ARHGEF28: variants seen among roughly 807,000 people sequenced by gnomAD.
ARHGEF28 encodes the protein 190 kDa guanine nucleotide exchange factor.
Under a neutral mutation model 206.6 loss-of-function variants are expected in ARHGEF28, and 152 were observed. The ratio of observed to expected loss-of-function variants is 0.74; its 90% CI spans 0.64 to 0.84. The LOEUF (loss-of-function observed/expected upper bound fraction) is 0.84. ARHGEF28 is among the 40% of genes least tolerant of loss of function. ARHGEF28 has a pLI of 0.00. For synonymous variants in ARHGEF28, 763 were observed against 776.4 expected (o/e 0.98, Z 0.29); for missense variants, 2,028 against 2,073.2 (o/e 0.98, Z 0.42).
intron 10 of ARHGEF28, among the ~76,000 whole-genome samples, chr5:73,839,519 T>C (rs1757857012): frequency 1.3e-5 from 2 of 152,170 alleles, no homozygotes; most frequent in Non-Finnish European, 2.9e-5. Context: ...AAATCATGAG[T>C]GCTTAAAAGT....
At chr5:73,852,748 G>A in intron 14 of ARHGEF28, 56 bp downstream of exon 14, 1 of 1,555,856 alleles carries the variant, frequency 6.4e-7, no homozygotes. Context: ...CTTTGGAAAT[G>A]TCCACACATC....
chr5:73,868,912 G>T (rs1370549663), intron 20 of ARHGEF28, among the ~76,000 whole-genome samples: 1 of 152,198 alleles, frequency 6.6e-6, no homozygotes, highest in Non-Finnish European at 1.5e-5. Context: ...CTCCCAAAGT[G>T]CCGGGATTAC....
In ARHGEF28 at chr5:73,729,656, G is replaced by C. The variant is rs143740737; in HGVS notation, c.34-20181G>C. ...GATTTCTCAAGTTTATTTAGTCACC[G>C]ATCACATTTCAGGCGGGCAGCTTCT... On this transcript the variant is annotated intron_variant, in intron 2 of 35. Coordinates refer to ENST00000513042, the MANE Select transcript of ARHGEF28 (RefSeq NM_001177693.2). 1.8e-4 allele frequency among the ~76,000 whole-genome samples: 28 copies of C among 152,192 alleles called. 1 individual carries two copies. The highest frequency in any genetic ancestry group is 6.3e-4 in the African/African-American group (26 of 41,526).
At chr5:73,876,676 A>G (rs1760514188) in intron 22 of ARHGEF28, among the ~76,000 whole-genome samples, 2 of 150,996 alleles carry the variant, frequency 1.3e-5, no homozygotes, top group African/African-American at 2.4e-5. Context: ...CTATTGAGAT[A>G]ATCGTGTGGT....
chr5:73,709,315 C>T (rs960242754), intron 2 of ARHGEF28, among the ~76,000 whole-genome samples: 5 of 146,902 alleles, frequency 3.4e-5, no homozygotes, highest in Non-Finnish European at 7.4e-5. Context: ...CATCACCTAT[C>T]AAATTTTCTC....
At chr5:73,769,310 T>A (rs181691475) in intron 4 of ARHGEF28, among the ~76,000 whole-genome samples, 2 of 152,296 alleles carry the variant, frequency 1.3e-5, no homozygotes, top group African/African-American at 4.8e-5. Context: ...CCTTTCCTAG[T>A]CACATTCTTC....
At chr5:73,656,325 T>C (rs1745198293) in intron 1 of ARHGEF28, among the ~76,000 whole-genome samples, 1 of 152,224 alleles carries the variant, frequency 6.6e-6, no homozygotes, top group Non-Finnish European at 1.5e-5. Flanking sequence ...TCAAACTTAC[T>C]GAGTTACTGA....
intron 1 of ARHGEF28, among the ~76,000 whole-genome samples, chr5:73,671,694 TTATATATATA>T (rs1182569252): frequency 4.3e-3 from 329 of 75,938 alleles, no homozygotes; most frequent in Middle Eastern, 9.6e-3. Flanking sequence ...TTGAACTTGA[TTATATATATA>T]TATATATATA....
intron 2 of ARHGEF28, among the ~76,000 whole-genome samples, chr5:73,726,063 G>A (rs752927867): frequency 1.3e-5 from 2 of 152,170 alleles, no homozygotes; most frequent in Non-Finnish European, 2.9e-5. Flanking sequence ...CCTGTGTTGA[G>A]TGGTTTTAAT....
intron 35 of ARHGEF28, among the ~76,000 whole-genome samples, chr5:73,928,847 TC>T (rs1424331238): frequency 6.6e-6 from 1 of 152,176 alleles, no homozygotes; most frequent in African/African-American, 2.4e-5. Flanking sequence ...GAATTCAGAG[TC>T]ATGAGAATAC....
At chr5:73,688,189 T>C (rs995230157) in intron 2 of ARHGEF28, among the ~76,000 whole-genome samples, 1 of 152,128 alleles carries the variant, frequency 6.6e-6, no homozygotes, top group Admixed American at 6.5e-5. Context: ...TAAAAATATA[T>C]AAATTAATAA....
chr5:73,709,876 G>C (rs1031597390), intron 2 of ARHGEF28, among the ~76,000 whole-genome samples: 1 of 152,110 alleles, frequency 6.6e-6, no homozygotes, highest in South Asian at 2.1e-4. Flanking sequence ...ATGCATTTCC[G>C]ATTTGTTCCT....
At chr5:73,731,595 G>A (rs1750626639) in intron 2 of ARHGEF28, among the ~76,000 whole-genome samples, 1 of 152,162 alleles carries the variant, frequency 6.6e-6, no homozygotes, top group Non-Finnish European at 1.5e-5. Context: ...TTTTTGAAGG[G>A]ATAGGGTGGT....
At chr5:73,641,407 T>G (rs1467124263) in intron 1 of ARHGEF28, among the ~76,000 whole-genome samples, 2 of 149,950 alleles carry the variant, frequency 1.3e-5, no homozygotes, top group African/African-American at 2.5e-5. Context: ...GGAAAGGCTT[T>G]TTTTTTTTTT....
chr5:73,817,900 A>G (rs1756324961), intron 9 of ARHGEF28, among the ~76,000 whole-genome samples: 1 of 152,120 alleles, frequency 6.6e-6, no homozygotes, highest in Non-Finnish European at 1.5e-5. Flanking sequence ...TCCTCTGTGT[A>G]TCTTTACTAG....
intron 22 of ARHGEF28, among the ~76,000 whole-genome samples, chr5:73,882,113 C>G (rs1183004328): frequency 6.6e-6 from 1 of 151,922 alleles, no homozygotes; most frequent in Non-Finnish European, 1.5e-5. Context: ...CTGAAGGCCC[C>G]TAAATGTTGC....
intron 5 of ARHGEF28, among the ~76,000 whole-genome samples, chr5:73,774,853 G>A (rs1019218401): frequency 6.6e-6 from 1 of 152,196 alleles, no homozygotes; most frequent in African/African-American, 2.4e-5. Context: ...ATTAACCATT[G>A]TTAGAGTAAA....
At chr5:73,815,251 A>C (rs1756121387) in intron 9 of ARHGEF28, among the ~76,000 whole-genome samples, 1 of 151,926 alleles carries the variant, frequency 6.6e-6, no homozygotes, top group Admixed American at 6.6e-5. Context: ...CTCGTACACA[A>C]ATAGAAAATG....
rs1205678437 is a variant in ARHGEF28, at chr5:73,802,880, G to C, written c.1024+7489G>C. The stretch of plus-strand genomic sequence containing the variant: ...CAGCAAGCTCGATTGCTGTGTGTGT[G>C]TGTGTGTGTGTGTGTGTGTGTGTGT... On this transcript the variant is annotated intron_variant, in intron 9 of 35. Coordinates refer to ENST00000513042, the MANE Select transcript of ARHGEF28 (RefSeq NM_001177693.2). Among the ~76,000 whole-genome samples the C allele has an allele frequency of 5.0e-3, 739 of 147,726 alleles. 3 individuals carry two copies. Among genetic ancestry groups the C allele is most frequent in the African/African-American group, 0.01 (421 of 40,412 alleles).
Sources: gnomAD v4.1 joint callset for allele counts (sites outside exome capture counted in the v4.1 genomes callset) on GRCh38, gnomAD v4.1.1 for gene constraint, MANE v1.5 for transcripts, NCBI Gene and HGNC (gene_info 2026-07-23, HGNC 2026-07-21) for gene names.